Variants in CACNB1 observed in about 807,000 individuals in gnomAD.
CACNB1 encodes voltage-dependent L-type calcium channel subunit beta-1.
Under a neutral mutation model 71.6 loss-of-function variants are expected in CACNB1, and 29 were observed. The observed-to-expected ratio is 0.40, with a 90% CI of 0.30 to 0.55. The LOEUF (loss-of-function observed/expected upper bound fraction) is 0.55. Ranked by LOEUF, CACNB1 falls within the 20% of genes least tolerant of loss-of-function variation. The probability of loss-of-function intolerance (pLI) is 0.38; values close to 1 mark genes in which losing one functional copy is unlikely to be tolerated. For synonymous variants in CACNB1, 300 were observed against 319.6 expected (o/e 0.94, Z 0.65); for missense variants, 623 against 801.8 (o/e 0.78, Z 2.69).
chr17:39,186,346 C>T lies in CACNB1; in HGVS notation c.628+150G>A. On this transcript the variant is annotated intron_variant, in intron 6 of 13. Coordinates refer to ENST00000394303, the MANE Select transcript of CACNB1 (RefSeq NM_000723.5). This position sits in a 1 kb window ranked among gnomAD's most constrained non-coding sequence, Gnocchi z 4.1. ...TGACAGGCCCAGCTTGAGGGGTAGC[C>T]TACTCTTCATGGAGGGGGAACCACT... The T allele has an allele frequency of 1.5e-6, 1 of 650,434 alleles. No homozygotes were observed. The highest frequency in any genetic ancestry group is 1.9e-5 in the South Asian group (1 of 52,260). 40.3% of individuals were successfully genotyped at this position (650,434 alleles called of 1,614,324 possible). A position where few individuals can be genotyped will look rare whatever the true frequency, so the allele number is the denominator to read the frequency against.
intron 11 of CACNB1, among the ~76,000 whole-genome samples, chr17:39,183,337 A>AAAGAAGAAGAAGAAGAAGAAG (rs35982951): frequency 6.9e-5 from 9 of 130,282 alleles, no homozygotes; most frequent in African/African-American, 1.5e-4. Flanking sequence ...GACTTAAAAA[A>AAAGAAGAAGAAGAAGAAGAAG]AAGAAGAAGA....
rs980576841 is a variant in CACNB1, at chr17:39,194,707, G to A, written c.171+177C>T. 6.6e-6 allele frequency among the ~76,000 whole-genome samples: 1 copy of A among 152,056 alleles called. No homozygotes were observed. Among genetic ancestry groups the A allele is most frequent in the Non-Finnish European group, 1.5e-5 (1 of 67,996 alleles). ...GGCAGGGGCGGGGGCTGAGCGAGTGGGTGCCGCTGACAGCACATCCAGAAG... is the reference window on the plus strand; with the variant it reads ...GGCAGGGGCGGGGGCTGAGCGAGTGAGTGCCGCTGACAGCACATCCAGAAG... On this transcript the variant is annotated intron_variant, in intron 2 of 13. Transcript: ENST00000394303. This position sits in a 1 kb window ranked among gnomAD's most constrained non-coding sequence, Gnocchi z 4.6.
chr17:39,183,907 C>G, intron 10 of CACNB1, 43 bp from the exon 11 acceptor site: 1 of 1,597,694 alleles, frequency 6.3e-7, no homozygotes, highest in East Asian at 2.2e-5. Context: ...GTCAGGTGGC[C>G]TCCCAGGAAC....
At position 39,186,108 on chromosome 17, in the gene CACNB1, G is replaced by C; in HGVS notation, c.628+388C>G. 6.2e-7 allele frequency: 1 copy of C among 1,613,414 alleles called. No individual in the cohort carries two copies. Among genetic ancestry groups the C allele is most frequent in the Non-Finnish European group, 8.5e-7 (1 of 1,179,552 alleles). On this transcript the variant is annotated intron_variant, in intron 6 of 13. Coordinates refer to ENST00000394303, the MANE Select transcript of CACNB1 (RefSeq NM_000723.5). This position sits in a 1 kb window ranked among gnomAD's most constrained non-coding sequence, Gnocchi z 4.1. ...GCTAAGTTAGTCATTTCATTACCTG[G>C]ACCGGAGAGTCAGGAGAGAGGGAGG...
intron 11 of CACNB1, among the ~76,000 whole-genome samples, chr17:39,181,877 G>C (rs186280948): frequency 1.3e-5 from 2 of 152,018 alleles, no homozygotes; most frequent in African/African-American, 4.8e-5. Flanking sequence ...AATTAGCCAG[G>C]TGTGGCCGGG....
At chr17:39,190,942 C>T (rs12944165) in intron 3 of CACNB1, among the ~76,000 whole-genome samples, 91,102 of 151,644 alleles carry the variant, frequency 0.6, 28,415 homozygotes, top group African/African-American at 0.74. Context: ...CGGTGGCTCA[C>T]GCCTGTAATC....
rs1168546993 is a variant in CACNB1, at chr17:39,177,330, A to C, written c.1332+20T>G. 6.2e-7 allele frequency: 1 copy of C among 1,612,332 alleles called. No homozygotes were observed. The highest frequency in any genetic ancestry group is 8.5e-7 in the Non-Finnish European group (1 of 1,179,382). On this transcript the variant is annotated intron_variant, in intron 13 of 13. Transcript: ENST00000394303. ...GCCCCAGAAGCCGAGGTTTCTCCTG[A>C]GCGAGGTGAGCACCTGTACCTGGAG...
intron 9 of CACNB1, 32 bp downstream of exon 9, chr17:39,184,293 G>T: frequency 6.9e-7 from 1 of 1,455,208 alleles, no homozygotes. Flanking sequence ...GAGAGCAACG[G>T]CAGGTGCGAG....
At position 39,186,380 on chromosome 17, in the gene CACNB1, T is replaced by C. The variant is rs1597704243; in HGVS notation, c.628+116A>G. 2 of 749,082 alleles carry C rather than the reference T, an allele frequency of 2.7e-6. No homozygotes were observed. Among genetic ancestry groups the C allele is most frequent in the African/African-American group, 1.8e-5 (1 of 57,094 alleles). The allele number at this position is 749,082 out of a possible 1,614,324, so 46.4% of individuals were successfully genotyped here. A position where few individuals can be genotyped will look rare whatever the true frequency, so the allele number is the denominator to read the frequency against. On this transcript the variant is annotated intron_variant, in intron 6 of 13. Transcript: ENST00000394303. This position sits in a 1 kb window ranked among gnomAD's most constrained non-coding sequence, Gnocchi z 4.1. Reference sequence around the variant, plus strand: ...ATGGAGGGGGAACCACTGCATGTGCTTGGGGGACTCAGGATTGGGGTGTTT... The same window carrying C: ...ATGGAGGGGGAACCACTGCATGTGCCTGGGGGACTCAGGATTGGGGTGTTT...
intron 13 of CACNB1, 164 bp downstream of exon 13, chr17:39,177,186 A>G (rs541783661): frequency 8.1e-6 from 12 of 1,472,504 alleles, no homozygotes; most frequent in Admixed American, 2.6e-5. Context: ...TTCCTCCTCC[A>G]TGTTCCCTGC....
At position 39,185,860 on chromosome 17, in the gene CACNB1, A is replaced by G. The variant is rs958543415; in HGVS notation, c.628+636T>C. ...CCTGATGCCCACAGAACAGGTTGGT[A>G]CCACATCTGAATCCATTACAGCCCC... On this transcript the variant is annotated intron_variant, in intron 6 of 13. Coordinates refer to ENST00000394303, the MANE Select transcript of CACNB1 (RefSeq NM_000723.5). The G allele has an allele frequency of 3.4e-5, 48 of 1,409,120 alleles. 1 individual carries two copies. The South Asian group carries it at 4.8e-4, about 14-fold the overall frequency. 87.3% of individuals were successfully genotyped at this position (1,409,120 alleles called of 1,614,324 possible).
chr17:39,177,847 C>T (rs1321723977), intron 12 of CACNB1, 137 bp downstream of exon 12: 8 of 732,980 alleles, frequency 1.1e-5, no homozygotes, highest in Admixed American at 1.1e-4. Flanking sequence ...GACCTGCGCT[C>T]TTCCCAGAAG....
At chr17:39,177,679 G>A (rs1017037535) in intron 12 of CACNB1, 144 bp from the exon 13 acceptor site, 6 of 673,430 alleles carry the variant, frequency 8.9e-6, no homozygotes, top group Non-Finnish European at 1.2e-5. Context: ...AAGGGAAGGA[G>A]AGCTCTCAGA....
intron 2 of CACNB1, 160 bp from the exon 3 acceptor site, chr17:39,191,753 C>T (rs2046086451): frequency 3.1e-6 from 2 of 655,694 alleles, no homozygotes; most frequent in Non-Finnish European, 5.0e-6. Context: ...TGGAAGGGAC[C>T]AGGAGCTGAG....
chr17:39,191,576 G>A lies in CACNB1; in HGVS notation c.189C>T (p.Tyr63=). 1.9e-6 allele frequency: 3 copies of A among 1,609,904 alleles called. No homozygotes were observed. Among genetic ancestry groups the A allele is most frequent in the East Asian group, 4.5e-5 (2 of 44,380 alleles). The change falls in exon 3 of 14, where the codon TAC becomes TAT. Residue 63 remains tyrosine (Y), a synonymous_variant. Transcript: ENST00000394303. ...CATCAGAGTCTGATGGACGGCTGGT[G>A]TAGGACTCCGCTGAGCCCTGAAAAT... ...SFVRQGSAES[Y]TSRPSDSDVS...
intron 1 of CACNB1, among the ~76,000 whole-genome samples, chr17:39,196,306 G>A (rs978648549): frequency 2.0e-5 from 3 of 152,062 alleles, no homozygotes; most frequent in Non-Finnish European, 2.9e-5. Context: ...AACCTAGGAG[G>A]ATCACCCAGT....
At chr17:39,191,150 G>T (rs1444093718) in intron 3 of CACNB1, among the ~76,000 whole-genome samples, 1 of 152,126 alleles carries the variant, frequency 6.6e-6, no homozygotes, top group Non-Finnish European at 1.5e-5. Context: ...CTTGCAGTGA[G>T]CCGAGATCAT....
At chr17:39,196,225 A>C (rs1015827232) in intron 1 of CACNB1, among the ~76,000 whole-genome samples, 4 of 152,086 alleles carry the variant, frequency 2.6e-5, no homozygotes, top group African/African-American at 9.7e-5. Flanking sequence ...GGACCTTTCC[A>C]AGATCCTCCC....
In CACNB1 at chr17:39,186,662, T is replaced by C. The variant is rs1488953650; in HGVS notation, c.552-90A>G. The C allele has an allele frequency of 8.6e-6, 13 of 1,511,040 alleles. No homozygotes were observed. Among genetic ancestry groups the C allele is most frequent in the Non-Finnish European group, 1.1e-5 (12 of 1,095,794 alleles). 93.6% of individuals were successfully genotyped at this position (1,511,040 alleles called of 1,614,324 possible). ...TCACATGCGGCACCCCCGGAGGTGC[T>C]CCAGCCCCACTGGTGATGCCACAGG... On this transcript the variant is annotated intron_variant, in intron 5 of 13. Coordinates refer to ENST00000394303, the MANE Select transcript of CACNB1 (RefSeq NM_000723.5). The surrounding 1 kb of genome is among the most constrained non-coding windows in gnomAD (Gnocchi z 4.1).
Sources: gnomAD v4.1 joint callset for allele counts (sites outside exome capture counted in the v4.1 genomes callset) on GRCh38, gnomAD v4.1.1 for gene constraint, Gnocchi (gnomAD v3.1) non-coding constraint, MANE v1.5 for transcripts, NCBI Gene and HGNC (gene_info 2026-07-23, HGNC 2026-07-21) for gene names.